The following BRCA2 variants were observed in gnomAD, a reference collection of about 807,000 sequenced individuals.
The protein encoded by BRCA2 is BRCA2 DNA repair associated.
A neutral mutation model predicts 276.7 loss-of-function variants in BRCA2; 203 were observed. That is an observed-to-expected ratio of 0.73 (90% confidence interval 0.65 to 0.82). The LOEUF is 0.82. Ranked by LOEUF, BRCA2 falls within the 40% of genes least tolerant of loss-of-function variation. BRCA2 has a pLI of 0.00. For synonymous variants in BRCA2, 1,289 were observed against 1,338.4 expected, an observed-to-expected ratio of 0.96 and a Z score of 0.81; for missense variants, 3,920 against 3,915.0, an observed-to-expected ratio of 1.00 and a Z score of -0.03.
chr13:32,375,004 T>G (rs1270757626), intron 20 of BRCA2, among the ~76,000 whole-genome samples: 2 of 152,216 alleles, frequency 1.3e-5, no homozygotes, highest in African/African-American at 4.8e-5. Context: ...ACAATCATAG[T>G]GGAAGATGAA....
chr13:32,365,109 C>CTTTTTTTTTT lies in BRCA2; in HGVS notation c.8331+1595_8331+1604dup, dbSNP rs57551462. On this transcript the variant is annotated intron_variant, in intron 18 of 26. Coordinates refer to ENST00000380152, the MANE Select transcript of BRCA2 (RefSeq NM_000059.4). The stretch of plus-strand genomic sequence containing the variant: ...TAGCTCCTGCTAATTGCAGTGCATT[C>CTTTTTTTTTT]TTTTTTTTTTTTTTTTTTTTTTTTT... Among the ~76,000 whole-genome samples the CTTTTTTTTTT allele has an allele frequency of 1.4e-4, 9 of 64,480 alleles. 1 individual carries two copies. The highest frequency in any genetic ancestry group is 4.5e-4 in the African/African-American group (7 of 15,486). 42.3% of individuals were successfully genotyped at this position (64,480 alleles called of 152,430 possible).
At chr13:32,344,983 T>G (rs1437895732) in intron 12 of BRCA2, among the ~76,000 whole-genome samples, 1 of 152,116 alleles carries the variant, frequency 6.6e-6, no homozygotes, top group East Asian at 1.9e-4. Context: ...TTATGCAGTA[T>G]TAAACAATCA....
intron 3 of BRCA2, among the ~76,000 whole-genome samples, chr13:32,320,546 G>A (rs907652566): frequency 8.5e-5 from 13 of 152,102 alleles, no homozygotes; most frequent in Non-Finnish European, 7.4e-5. Flanking sequence ...TTGCGTGCTC[G>A]TCTTTCAGAT....
chr13:32,356,651 T>A (rs373125245), intron 15 of BRCA2, 42 bp downstream of exon 15: 55 of 1,595,162 alleles, frequency 3.4e-5, no homozygotes, highest in Middle Eastern at 3.3e-4. Flanking sequence ...TATGACAGAG[T>A]GTAATTTTAT....
chr13:32,323,397 C>T (rs2072321091), intron 3 of BRCA2, among the ~76,000 whole-genome samples: 1 of 152,152 alleles, frequency 6.6e-6, no homozygotes, highest in Non-Finnish European at 1.5e-5. Context: ...TCGTGATCCG[C>T]TCGCCTCGGC....
At chr13:32,329,377 C>T (rs2137457826) in intron 7 of BRCA2, 66 bp from the exon 8 acceptor site, 1 of 1,164,376 alleles carries the variant, frequency 8.6e-7, no homozygotes, top group South Asian at 1.4e-5. Flanking sequence ...TTTTTGATGT[C>T]TGACAAAAAA....
intron 20 of BRCA2, among the ~76,000 whole-genome samples, chr13:32,371,679 A>C (rs1593931741): frequency 6.6e-6 from 1 of 152,300 alleles, no homozygotes; most frequent in East Asian, 1.9e-4. Context: ...TCACTAGATC[A>C]TACTATTTTC....
chr13:32,382,640 A>T (rs1480939822), intron 24 of BRCA2, among the ~76,000 whole-genome samples: 1 of 152,224 alleles, frequency 6.6e-6, no homozygotes, highest in East Asian at 1.9e-4. Context: ...ATGATAGTGA[A>T]TATAGGCATT....
At chr13:32,392,343 T>G (rs1291844471) in intron 24 of BRCA2, among the ~76,000 whole-genome samples, 1 of 152,186 alleles carries the variant, frequency 6.6e-6, no homozygotes, top group African/African-American at 2.4e-5. Flanking sequence ...CTATCCTGGT[T>G]TATCCCAGGA....
rs80359080 is a variant in BRCA2, at chr13:32,370,433, G to A, written c.8363G>A (p.Trp2788Ter). 1 of 1,613,868 alleles carries A rather than the reference G, an allele frequency of 6.2e-7. No individual in the cohort carries two copies. The highest frequency in any genetic ancestry group is 8.5e-7 in the Non-Finnish European group (1 of 1,179,850). The stretch of plus-strand genomic sequence containing the variant: ...GCTAACAGTACTCGGCCTGCTCGCT[G>A]GTATACCAAACTTGGATTCTTTCCT... The part of the protein sequence containing the change: ...ISANSTRPAR[W>*]YTKLGFFPDP... The change falls in exon 19 of 27, where the codon TGG becomes TAG. Residue 2788 changes from tryptophan (W) to a stop codon, truncating the protein, a stop_gained. Coordinates refer to ENST00000380152, the MANE Select transcript of BRCA2 (RefSeq NM_000059.4). LOFTEE classifies it high-confidence loss of function.
chr13:32,369,698 C>T (rs1351924103), intron 18 of BRCA2, among the ~76,000 whole-genome samples: 1 of 152,130 alleles, frequency 6.6e-6, no homozygotes, highest in East Asian at 1.9e-4. Flanking sequence ...CTCAGCCTCC[C>T]GAGTAGCTGG....
At position 32,398,211 on chromosome 13, in the gene BRCA2, G is replaced by A. The variant is rs398122620; in HGVS notation, c.9698G>A (p.Cys3233Tyr). 3 of 1,612,718 alleles carry A rather than the reference G, an allele frequency of 1.9e-6. No homozygotes were observed. Among genetic ancestry groups the A allele is most frequent in the East Asian group, 2.2e-5 (1 of 44,878 alleles). ...EIYYQSPLSLCMAKRKSVSTP... is the reference protein window; with the variant it reads ...EIYYQSPLSLYMAKRKSVSTP... ...TATTATCAAAGTCCTTTATCACTTT[G>A]TATGGCCAAAAGGAAGTCTGTTTCC... The change falls in exon 27 of 27, where the codon TGT becomes TAT. Residue 3233 changes from cysteine to tyrosine, a missense_variant. By Grantham distance (194) the Cys-to-Tyr change is radical (BLOSUM62 -2). Coordinates refer to ENST00000380152, the MANE Select transcript of BRCA2 (RefSeq NM_000059.4).
At chr13:32,385,097 A>G in intron 24 of BRCA2, 1 of 265,342 alleles carries the variant, frequency 3.8e-6, no homozygotes, top group Non-Finnish European at 7.9e-6. Flanking sequence ...TGTGAGGAAG[A>G]ACGGGCCTTG....
intron 13 of BRCA2, among the ~76,000 whole-genome samples, chr13:32,351,204 C>G (rs1399432360): frequency 2.0e-5 from 3 of 152,206 alleles, no homozygotes; most frequent in Admixed American, 2.0e-4. Flanking sequence ...GTGAGCACTA[C>G]CTTTATGAGC....
At chr13:32,348,541 TAC>T in intron 13 of BRCA2, among the ~76,000 whole-genome samples, 1 of 152,176 alleles carries the variant, frequency 6.6e-6, no homozygotes, top group East Asian at 1.9e-4. Flanking sequence ...TCTTATATAA[TAC>T]AGAGAAGTGC....
rs751515572 is a variant in BRCA2, at chr13:32,396,912, T to C, written c.9516T>C (p.Leu3172=). ...TATTTTCTTAGAATATTGACATACTTTGCAATGAAGCAGAAAACAAGCTTA... is the reference window on the plus strand; with the variant it reads ...TATTTTCTTAGAATATTGACATACTCTGCAATGAAGCAGAAAACAAGCTTA... ...MKNTVENIDI[L]CNEAENKLMH... Residue 3172 remains leucine (L), a synonymous_variant, in exon 26 of 27, where the codon CTT becomes CTC. Transcript: ENST00000380152. 1.2e-6 allele frequency: 2 copies of C among 1,614,106 alleles called. No individual in the cohort carries two copies. Among genetic ancestry groups the C allele is most frequent in the South Asian group, 1.1e-5 (1 of 91,088 alleles).
chr13:32,359,506 T>C (rs1043116869), intron 16 of BRCA2, among the ~76,000 whole-genome samples: 6 of 152,202 alleles, frequency 3.9e-5, no homozygotes, highest in African/African-American at 1.4e-4. Flanking sequence ...CAGAGATATA[T>C]TACATTATGC....
chr13:32,368,001 C>CTTTTTTTTTTTTTTTTT (rs71071031), intron 18 of BRCA2, among the ~76,000 whole-genome samples: 1 of 50,728 alleles, frequency 2.0e-5, no homozygotes, highest in African/African-American at 8.2e-5. Flanking sequence ...TCTTCTAATT[C>CTTTTTTTTTTTTTTTTT]TTTTTTTTTT....
chr13:32,316,350 C>G (rs1345408890), intron 1 of BRCA2, 72 bp from the exon 2 acceptor site: 1 of 973,226 alleles, frequency 1.0e-6, no homozygotes, highest in African/African-American at 1.6e-5. Context: ...TCCAGCGCTT[C>G]TGAGTTTTAC....
Sources: gnomAD v4.1 joint callset for allele counts (sites outside exome capture counted in the v4.1 genomes callset) on GRCh38, gnomAD v4.1.1 for gene constraint, MANE v1.5 for transcripts, NCBI Gene and HGNC (gene_info 2026-07-23, HGNC 2026-07-21) for gene names.